The following DNAH5 variants were observed in gnomAD, a reference collection of about 807,000 sequenced individuals.
DNAH5 encodes the protein dynein axonemal heavy chain 5.
DNAH5 carries 372 observed loss-of-function variants against 518.2 expected under a neutral mutation model. The ratio of observed to expected loss-of-function variants is 0.72; its 90% CI spans 0.66 to 0.78. The LOEUF is 0.78. Ranked by LOEUF, DNAH5 falls within the 30% of genes least tolerant of loss-of-function variation. The pLI, the probability that DNAH5 is intolerant of heterozygous loss-of-function variation, is 0.00. For synonymous variants in DNAH5, 2,039 were observed against 2,025.9 expected (o/e 1.01, Z -0.17); for missense variants, 5,523 against 5,687.0 (o/e 0.97, Z 0.93).
At chr5:13,881,001 A>G (rs1771596713) in intron 21 of DNAH5, among the ~76,000 whole-genome samples, 1 of 152,058 alleles carries the variant, frequency 6.6e-6, no homozygotes, top group African/African-American at 2.4e-5. Flanking sequence ...AATAAAGTTC[A>G]TATAAATGAA....
intron 31 of DNAH5, 69 bp downstream of exon 31, chr5:13,850,583 G>T: frequency 3.5e-6 from 5 of 1,427,716 alleles, no homozygotes; most frequent in Non-Finnish European, 4.9e-6. Context: ...TTTGGCTAAT[G>T]CTATCTAGTC....
chr5:13,911,244 C>G, intron 12 of DNAH5, 142 bp downstream of exon 12: 1 of 696,974 alleles, frequency 1.4e-6, no homozygotes, highest in Non-Finnish European at 2.6e-6. Flanking sequence ...TCTGAAATCA[C>G]GAAACACAGG....
At chr5:13,809,833 A>C (rs1760305956) in intron 45 of DNAH5, among the ~76,000 whole-genome samples, 2 of 152,204 alleles carry the variant, frequency 1.3e-5, no homozygotes. Flanking sequence ...AATTCATTGA[A>C]AGTTTAGTGC....
chr5:13,945,603 AT>A (rs373791775), upstream of DNAH5, among the ~76,000 whole-genome samples: 96 of 150,196 alleles, frequency 6.4e-4, no homozygotes, highest in East Asian at 0.015. Flanking sequence ...TGTTTGCAGG[AT>A]TTTTTTTTTC....
At chr5:13,919,455 ATCAT>A in intron 6 of DNAH5, 103 bp from the exon 7 acceptor site, 2 of 1,365,700 alleles carry the variant, frequency 1.5e-6, no homozygotes, top group Non-Finnish European at 2.0e-6. Flanking sequence ...TCCTATCTGG[ATCAT>A]GATATATGCG....
chr5:13,761,851 A>C (rs1362204576), intron 60 of DNAH5, among the ~76,000 whole-genome samples: 1 of 152,158 alleles, frequency 6.6e-6, no homozygotes, highest in Non-Finnish European at 1.5e-5. Context: ...TCAATTGCTG[A>C]ATATATGGTC....
intron 5 of DNAH5, 62 bp from the exon 6 acceptor site, chr5:13,920,679 C>T (rs1055616682): frequency 5.0e-6 from 8 of 1,588,312 alleles, no homozygotes; most frequent in East Asian, 2.2e-5. Context: ...GACTGTGGGC[C>T]CTGTGTTTTC....
At position 13,752,305 on chromosome 5, in the gene DNAH5, C is replaced by T. The variant is rs1330383377; in HGVS notation, c.10873-16G>A. On this transcript the variant is annotated splice_polypyrimidine_tract_variant and intron_variant, in intron 63 of 78. Transcript: ENST00000265104. ...AAGACGTGATCTAGGAACAGGATCA[C>T]AAGGTTGCTATTGGCAGACATTACC... The T allele has an allele frequency of 1.9e-6, 3 of 1,613,746 alleles. No homozygotes were observed. In the Admixed American group the frequency reaches 5.0e-5, roughly 27 times the overall value.
chr5:13,922,502 G>A (rs1275926196), intron 4 of DNAH5, among the ~76,000 whole-genome samples, 174 bp from the exon 5 acceptor site: 1 of 151,956 alleles, frequency 6.6e-6, no homozygotes, highest in Non-Finnish European at 1.5e-5. Context: ...TGAGGTGGGG[G>A]GATCACTTGA....
Position 13,807,864 on chromosome 5 carries a change from A to G in DNAH5, c.7753-139T>C. The G allele has an allele frequency of 1.7e-5, 13 of 761,496 alleles. No individual in the cohort carries two copies. The South Asian group carries it at 2.4e-4, about 14-fold the overall frequency. The allele number at this position is 761,496 out of a possible 1,614,324, so 47.2% of individuals were successfully genotyped here. A position where few individuals can be genotyped will look rare whatever the true frequency, so the allele number is the denominator to read the frequency against. On this transcript the variant is annotated intron_variant, in intron 46 of 78. Coordinates refer to ENST00000265104, the MANE Select transcript of DNAH5 (RefSeq NM_001369.3). ...GATTCTATTTGGAGATAAGGTCTTT[A>G]AAGAGGTGACTAAGGTAAAATAAAG...
intron 1 of DNAH5, among the ~76,000 whole-genome samples, chr5:13,986,289 G>T (rs1424764997): frequency 6.6e-6 from 1 of 152,180 alleles, no homozygotes; most frequent in Admixed American, 6.5e-5. Flanking sequence ...CACTACATCA[G>T]CCTAGAATAC....
intron 34 of DNAH5, among the ~76,000 whole-genome samples, chr5:13,840,099 A>G (rs1233402759): frequency 2.7e-5 from 4 of 149,440 alleles, no homozygotes; most frequent in Admixed American, 1.3e-4. Flanking sequence ...TTTCTTTGAC[A>G]AAGAAGAAAT....
Position 13,891,004 on chromosome 5 carries a change from G to C in DNAH5, c.2549C>G (p.Thr850Ser). 1 of 1,614,118 alleles carries C rather than the reference G, an allele frequency of 6.2e-7. No individual in the cohort carries two copies. The highest frequency in any genetic ancestry group is 8.5e-7 in the Non-Finnish European group (1 of 1,180,000). The change falls in exon 17 of 79, where the codon ACC becomes AGC. Residue 850 changes from threonine to serine, a missense_variant. Physicochemically the swap from Thr to Ser is moderately conservative, Grantham distance 58 (BLOSUM62 1). Around this residue, in one of 3 missense-constraint regions of DNAH5, gnomAD observed 5,121 missense variants for 5,223.3 expected, o/e 0.98. Transcript: ENST00000265104. Reference sequence around the variant, plus strand: ...TGTCATTTGGAGAAACTCTTCACAGGTTAGTGGCTCCTCCTGGGGAAGCTG... The same window carrying C: ...TGTCATTTGGAGAAACTCTTCACAGCTTAGTGGCTCCTCCTGGGGAAGCTG... ...LCQLPQEEPL[T>S]CEEFLQMTKD... is the part of the protein sequence containing the mutation.
chr5:13,737,235 T>G lies in DNAH5; in HGVS notation c.11455+17A>C, dbSNP rs770928848. The G allele has an allele frequency of 1.2e-6, 2 of 1,614,008 alleles. No homozygotes were observed. The highest frequency in any genetic ancestry group is 1.7e-6 in the Non-Finnish European group (2 of 1,179,924). On this transcript the variant is annotated intron_variant, in intron 66 of 78. Transcript: ENST00000265104. ...TTTCATTTTCCTGTGACATTTGTCTTTCATTACCAAACTCACCAGGTCTGT... is the reference window on the plus strand; with the variant it reads ...TTTCATTTTCCTGTGACATTTGTCTGTCATTACCAAACTCACCAGGTCTGT...
At position 13,913,753 on chromosome 5, in the gene DNAH5, G is replaced by C. The variant is rs764553623; in HGVS notation, c.1526C>G (p.Thr509Ser). The change falls in exon 11 of 79, where the codon ACT becomes AGT. Residue 509 changes from threonine to serine, a missense_variant. Transcript: ENST00000265104. The part of the protein sequence containing the change: ...STIEGLEDMA[T>S]KYQGIVATIK... ...TTTAAAGTACAATACCTGGTATTTAGTGGCCATGTCTTCCAGCCCTTCAAT... is the reference window on the plus strand; with the variant it reads ...TTTAAAGTACAATACCTGGTATTTACTGGCCATGTCTTCCAGCCCTTCAAT... The C allele has an allele frequency of 6.2e-7, 1 of 1,613,452 alleles. No individual in the cohort carries two copies.
intron 40 of DNAH5, 55 bp from the exon 41 acceptor site, chr5:13,820,554 GTGGCTCACGCC>G: frequency 6.2e-7 from 1 of 1,600,380 alleles, no homozygotes; most frequent in East Asian, 2.2e-5. Flanking sequence ...GCCGGACACG[GTGGCTCACGCC>G]TGTAATCCCA....
intron 52 of DNAH5, among the ~76,000 whole-genome samples, chr5:13,781,452 G>A (rs1296266883): frequency 6.6e-6 from 1 of 152,046 alleles, no homozygotes; most frequent in Non-Finnish European, 1.5e-5. Context: ...GAGGTGATAT[G>A]GTTTGGCTGT....
intron 1 of DNAH5, among the ~76,000 whole-genome samples, chr5:13,981,118 T>C (rs1782645224): frequency 6.6e-6 from 1 of 152,186 alleles, no homozygotes; most frequent in South Asian, 2.1e-4. Flanking sequence ...ACATAGTACA[T>C]ATTATCCCCA....
intron 33 of DNAH5, among the ~76,000 whole-genome samples, 164 bp downstream of exon 33, chr5:13,841,528 G>A (rs1015137294): frequency 2.6e-5 from 4 of 152,136 alleles, no homozygotes; most frequent in Admixed American, 2.6e-4. Flanking sequence ...CATATAATCT[G>A]TAGTTAAAAT....
Sources: gnomAD v4.1 joint callset for allele counts (sites outside exome capture counted in the v4.1 genomes callset) on GRCh38, gnomAD v4.1.1 for gene constraint, gnomAD v4.1.1 regional missense constraint, MANE v1.5 for transcripts, NCBI Gene and HGNC (gene_info 2026-07-23, HGNC 2026-07-21) for gene names.